SDK1: variants seen among roughly 807,000 people sequenced by gnomAD.
The protein encoded by SDK1 is sidekick cell adhesion molecule 1.
A neutral mutation model predicts 245.5 loss-of-function variants in SDK1; 157 were observed. The observed-to-expected ratio is 0.64, with a 90% CI of 0.56 to 0.73. The LOEUF is 0.73. Among genes scored for constraint, SDK1 ranks in the 30% least tolerant of loss-of-function variants. The pLI is 0.00. For synonymous variants in SDK1, 1,647 were observed against 1,278.5 expected (o/e 1.29, Z -6.15); for missense variants, 3,583 against 3,002.3 (o/e 1.19, Z -4.52).
rs75583228 is a variant in SDK1, at chr7:3,997,271, G to C, written c.2131+9949G>C. ...GAATAAGGTTCACAGACAAATGGAG[G>C]GTGAGGAAGATGAAGAGGAGCTTTA... On this transcript the variant is annotated intron_variant, in intron 14 of 44. Coordinates refer to ENST00000404826, the MANE Select transcript of SDK1 (RefSeq NM_152744.4). Among the ~76,000 whole-genome samples the C allele has an allele frequency of 5.1e-3, 773 of 152,296 alleles. 45 individuals are homozygous for C. The East Asian group carries it at 0.12, about 24-fold the overall frequency.
chr7:3,860,715 AT>A (rs1474923102), intron 5 of SDK1, among the ~76,000 whole-genome samples: 1 of 152,168 alleles, frequency 6.6e-6, no homozygotes, highest in African/African-American at 2.4e-5. Context: ...GGAGGCCTGT[AT>A]TCATCTCTTG....
intron 22 of SDK1, among the ~76,000 whole-genome samples, chr7:4,096,820 G>A (rs1782177098): frequency 6.6e-6 from 1 of 152,026 alleles, no homozygotes; most frequent in Non-Finnish European, 1.5e-5. Flanking sequence ...AGATTCAGGG[G>A]CCGGGGACAC....
chr7:4,076,976 G>C, intron 20 of SDK1, 22 bp from the exon 21 acceptor site: 1 of 1,610,390 alleles, frequency 6.2e-7, no homozygotes, highest in Middle Eastern at 1.7e-4. Flanking sequence ...ACCAACACTG[G>C]TCTGGTCCTG....
chr7:4,206,593 A>G (rs976757168), intron 36 of SDK1, among the ~76,000 whole-genome samples: 2 of 152,196 alleles, frequency 1.3e-5, no homozygotes, highest in Admixed American at 6.5e-5. Flanking sequence ...GGAAGGCAGC[A>G]GGCCATGACA....
chr7:3,444,954 A>G (rs922955155), intron 1 of SDK1, among the ~76,000 whole-genome samples: 1 of 152,214 alleles, frequency 6.6e-6, no homozygotes, highest in African/African-American at 2.4e-5. Flanking sequence ...AACTACTTTG[A>G]AAAATTTTGA....
chr7:3,867,060 C>G (rs1219290462), intron 5 of SDK1, among the ~76,000 whole-genome samples: 2 of 152,156 alleles, frequency 1.3e-5, no homozygotes, highest in Admixed American at 6.5e-5. Context: ...GGGCGCAGGC[C>G]TTCATTCCCC....
intron 1 of SDK1, among the ~76,000 whole-genome samples, chr7:3,497,723 AC>A (rs1375458473): frequency 3.9e-5 from 6 of 152,100 alleles, no homozygotes; most frequent in Non-Finnish European, 7.4e-5. Flanking sequence ...ACCTTGATAA[AC>A]CCCTTAGATG....
intron 44 of SDK1, among the ~76,000 whole-genome samples, chr7:4,260,491 G>A (rs1247500647): frequency 5.1e-4 from 64 of 125,720 alleles, no homozygotes; most frequent in Non-Finnish European, 8.9e-4. Context: ...TGTGTTCATC[G>A]TCACCTGATG....
At chr7:3,785,068 CAG>C (rs1274321215) in intron 4 of SDK1, among the ~76,000 whole-genome samples, 1 of 152,176 alleles carries the variant, frequency 6.6e-6, no homozygotes, top group African/African-American at 2.4e-5. Context: ...TGGATGGAAT[CAG>C]AGAGCGTTAT....
At chr7:4,047,050 C>T (rs930305234) in intron 17 of SDK1, among the ~76,000 whole-genome samples, 6 of 152,112 alleles carry the variant, frequency 3.9e-5, no homozygotes, top group Admixed American at 1.3e-4. Context: ...AGCTATTGCA[C>T]GTAGTTTGTT....
intron 1 of SDK1, among the ~76,000 whole-genome samples, chr7:3,577,659 C>A (rs1002035013): frequency 1.3e-5 from 2 of 152,020 alleles, no homozygotes; most frequent in Admixed American, 1.3e-4. Context: ...TAGGAGCTGT[C>A]AATGTCTGTT....
At chr7:3,814,621 TTAA>T (rs1475012950) in intron 4 of SDK1, among the ~76,000 whole-genome samples, 1 of 152,070 alleles carries the variant, frequency 6.6e-6, no homozygotes, top group African/African-American at 2.4e-5. Context: ...CACATGAACT[TTAA>T]AGTAGTTTTT....
chr7:3,417,290 G>T (rs941046070), intron 1 of SDK1, among the ~76,000 whole-genome samples: 1 of 152,144 alleles, frequency 6.6e-6, no homozygotes, highest in Non-Finnish European at 1.5e-5. Flanking sequence ...AACAAATAGA[G>T]GTGGGACATG....
intron 43 of SDK1, 132 bp from the exon 44 acceptor site, chr7:4,245,544 G>A: frequency 1.9e-6 from 2 of 1,043,446 alleles, no homozygotes; most frequent in Non-Finnish European, 2.7e-6. Flanking sequence ...TGCATCAGTT[G>A]CCAAAGTGAT....
At chr7:3,492,109 C>T (rs1274162996) in intron 1 of SDK1, among the ~76,000 whole-genome samples, 1 of 152,094 alleles carries the variant, frequency 6.6e-6, no homozygotes. Flanking sequence ...CTTAAATTTC[C>T]CCTAATAGAT....
At chr7:4,117,357 C>A (rs2018583) in intron 25 of SDK1, among the ~76,000 whole-genome samples, 68,219 of 151,990 alleles carry the variant, frequency 0.45, 16,394 homozygotes, top group African/African-American at 0.61. Context: ...AGCCCCAGCT[C>A]CTTGGGAGGC....
chr7:3,577,164 A>G (rs1780320637), intron 1 of SDK1, among the ~76,000 whole-genome samples: 1 of 151,922 alleles, frequency 6.6e-6, no homozygotes, highest in South Asian at 2.1e-4. Context: ...ACACTCCTCC[A>G]TCTGGAATCG....
In SDK1 at chr7:4,265,269, C is replaced by T; in HGVS notation, c.6527C>T (p.Ser2176Phe). The part of the protein sequence containing the change: ...APHRYEAVAG[S>F]EAGAQLHPVI... ...CACAGGTACGAGGCGGTGGCGGGCT[C>T]CGAGGCGGGCGCGCAGCTGCACCCG... Residue 2176 changes from serine to phenylalanine, a missense_variant, in exon 45 of 45, where the codon TCC (serine) becomes TTC (phenylalanine). Physicochemically the swap from Ser to Phe is radical, Grantham distance 155. Coordinates refer to ENST00000404826, the MANE Select transcript of SDK1 (RefSeq NM_152744.4). 1 of 1,593,856 alleles carries T rather than the reference C, an allele frequency of 6.3e-7. No homozygotes were observed. Among genetic ancestry groups the T allele is most frequent in the Non-Finnish European group, 8.5e-7 (1 of 1,175,412 alleles).
chr7:4,056,728 C>T (rs976301511), intron 19 of SDK1, among the ~76,000 whole-genome samples: 3 of 152,180 alleles, frequency 2.0e-5, no homozygotes, highest in Non-Finnish European at 4.4e-5. Flanking sequence ...GCCCACGCTG[C>T]ACCCCACACG....
Sources: gnomAD v4.1 joint callset for allele counts (sites outside exome capture counted in the v4.1 genomes callset) on GRCh38, gnomAD v4.1.1 for gene constraint, MANE v1.5 for transcripts, NCBI Gene and HGNC (gene_info 2026-07-23, HGNC 2026-07-21) for gene names.